Variants in STK35 observed in about 807,000 individuals in gnomAD.
STK35 encodes the protein serine/threonine-protein kinase 35.
In STK35, 17 loss-of-function variants were observed where a neutral mutation model predicts 37.3. That is an observed-to-expected ratio of 0.46 (90% CI 0.31 to 0.68). STK35 has a LOEUF of 0.68. Among genes scored for constraint, STK35 ranks in the 30% least tolerant of loss-of-function variants. The pLI, the probability that STK35 is intolerant of heterozygous loss-of-function variation, is 0.05. For synonymous variants in STK35, 385 were observed against 319.1 expected (o/e 1.21, Z -2.20); for missense variants, 595 against 746.7 (o/e 0.80, Z 2.37).
chr20:2,121,552 A>G (rs562825857), intron 3 of STK35, among the ~76,000 whole-genome samples: 3 of 152,174 alleles, frequency 2.0e-5, no homozygotes, highest in Middle Eastern at 3.2e-3. Flanking sequence ...TTAGAATCCA[A>G]CTACAGATGT....
At chr20:2,103,919 G>C (rs1241417614) in intron 2 of STK35, among the ~76,000 whole-genome samples, 4 of 152,242 alleles carry the variant, frequency 2.6e-5, no homozygotes, top group East Asian at 3.9e-4. Context: ...CCAGGCAGCC[G>C]AGCAAACTGA....
rs564634039 is a variant in STK35 at position 2,138,155 on chromosome 20, A to G, written c.*38-5629A>G. Among the ~76,000 whole-genome samples the G allele has an allele frequency of 7.2e-5, 11 of 152,322 alleles. No homozygotes were observed. In the East Asian group the frequency reaches 2.1e-3, roughly 29 times the overall value. ...AGGACTGCGGGTGAATTTAGGTAGG[A>G]GTGAATTCTTGGCTAGCCACCCAAT... On this transcript the variant is annotated intron_variant, in intron 3 of 3. Transcript: ENST00000381482.
chr20:2,125,764 A>C (rs1985894042), intron 3 of STK35, among the ~76,000 whole-genome samples: 1 of 152,236 alleles, frequency 6.6e-6, no homozygotes, highest in South Asian at 2.1e-4. Flanking sequence ...GGATAGTGTG[A>C]GGTGCCCATA....
At chr20:2,133,917 A>G (rs568636775) in intron 3 of STK35, among the ~76,000 whole-genome samples, 3 of 152,236 alleles carry the variant, frequency 2.0e-5, no homozygotes, top group African/African-American at 7.2e-5. Flanking sequence ...TCTCGGCTTT[A>G]AGCTTTGTTC....
At chr20:2,130,177 G>A (rs986992160) in intron 3 of STK35, among the ~76,000 whole-genome samples, 13 of 152,260 alleles carry the variant, frequency 8.5e-5, no homozygotes, top group Admixed American at 4.6e-4. Flanking sequence ...AGTCTTGGAC[G>A]TGCGGACATG....
chr20:2,136,684 T>C (rs189991761), intron 3 of STK35, among the ~76,000 whole-genome samples: 2 of 152,376 alleles, frequency 1.3e-5, no homozygotes, highest in African/African-American at 4.8e-5. Flanking sequence ...AGTTTCTAGC[T>C]ATCACCTGGT....
At position 2,125,148 on chromosome 20, in the gene STK35, G is replaced by C. The variant is rs148409019; in HGVS notation, c.*37+7733G>C. Among the ~76,000 whole-genome samples, 22 of 152,304 alleles carry C rather than the reference G, an allele frequency of 1.4e-4. No individual in the cohort carries two copies. In the East Asian group the frequency reaches 3.7e-3, roughly 25 times the overall value. On this transcript the variant is annotated intron_variant, in intron 3 of 3. Coordinates refer to ENST00000381482, the MANE Select transcript of STK35 (RefSeq NM_080836.4). The stretch of plus-strand genomic sequence containing the variant: ...AGATAGCATCCCTTTGGGCAAATCA[G>C]AGTGGCTCTTGTAATCGTCCAGCTG...
intron 3 of STK35, among the ~76,000 whole-genome samples, chr20:2,128,120 C>T (rs1427867679): frequency 6.6e-6 from 1 of 152,166 alleles, no homozygotes; most frequent in Non-Finnish European, 1.5e-5. Flanking sequence ...TTTCTGGCTG[C>T]ACCTCAAACC....
intron 2 of STK35, among the ~76,000 whole-genome samples, chr20:2,104,814 A>G (rs1022890524): frequency 1.2e-4 from 19 of 152,092 alleles, no homozygotes; most frequent in African/African-American, 4.6e-4. Context: ...TGCCCCATCC[A>G]TTCTGAGAAG....
rs567612614 is a variant in STK35 at position 2,141,593 on chromosome 20, A to G, written c.*38-2191A>G. On this transcript the variant is annotated intron_variant, in intron 3 of 3. Transcript: ENST00000381482. ...CCTATTTTTCCTATTAAAAACTAAAATATAACATTGGTGTGTGTTCATTAT... is the reference window on the plus strand; with the variant it reads ...CCTATTTTTCCTATTAAAAACTAAAGTATAACATTGGTGTGTGTTCATTAT... 7.9e-5 allele frequency among the ~76,000 whole-genome samples: 12 copies of G among 152,354 alleles called. No homozygotes were observed. The East Asian group carries it at 2.3e-3, about 29-fold the overall frequency.
intron 1 of STK35, 91 bp from the exon 2 acceptor site, chr20:2,102,677 G>T: frequency 8.3e-7 from 1 of 1,205,912 alleles, no homozygotes; most frequent in Non-Finnish European, 1.1e-6. Flanking sequence ...GGCCGCGGCG[G>T]CCGGGGGAGG....
chr20:2,117,898 A>G lies in STK35; in HGVS notation c.*37+483A>G, dbSNP rs1465332068. ...CCATATCTTGATGGGAGAAACGTGC[A>G]ATTATCTGAGTACACGTTGGAAAGT... On this transcript the variant is annotated intron_variant, in intron 3 of 3. Coordinates refer to ENST00000381482, the MANE Select transcript of STK35 (RefSeq NM_080836.4). This position sits in a 1 kb window ranked among gnomAD's most constrained non-coding sequence, Gnocchi z 4.4. 6.6e-6 allele frequency among the ~76,000 whole-genome samples: 1 copy of G among 152,218 alleles called. No individual in the cohort carries two copies. The highest frequency in any genetic ancestry group is 1.5e-5 in the Non-Finnish European group (1 of 68,042).
chr20:2,114,282 G>A (rs566859163), intron 2 of STK35, among the ~76,000 whole-genome samples: 1 of 152,070 alleles, frequency 6.6e-6, no homozygotes, highest in South Asian at 2.1e-4. Flanking sequence ...TGAGAAGCTG[G>A]GACTATTGAG....
At chr20:2,129,145 A>G (rs1985955915) in intron 3 of STK35, among the ~76,000 whole-genome samples, 1 of 152,092 alleles carries the variant, frequency 6.6e-6, no homozygotes, top group South Asian at 2.1e-4. Context: ...CTTAAACATG[A>G]CTTTGAATTG....
At chr20:2,128,946 T>A (rs1268936166) in intron 3 of STK35, among the ~76,000 whole-genome samples, 1 of 152,054 alleles carries the variant, frequency 6.6e-6, no homozygotes, top group Non-Finnish European at 1.5e-5. Context: ...TGCCTCAGCC[T>A]CCCGAGTAGC....
rs761062631 is a variant in STK35 at position 2,102,824 on chromosome 20, A to AG, written c.358dup (p.Ala120GlyfsTer73). ...CCAGGGCCGGACGGAGGGATGAGGC[A>AG]GGGGGGGCCCGGGCAGCGCCGTTGC... is the stretch of plus-strand genomic sequence containing the variant. On this transcript the variant is annotated frameshift_variant, in exon 2 of 4. Coordinates refer to ENST00000381482, the MANE Select transcript of STK35 (RefSeq NM_080836.4). LOFTEE classifies it high-confidence loss of function. 1.7e-5 allele frequency: 26 copies of AG among 1,526,068 alleles called. No individual in the cohort carries two copies. The highest frequency in any genetic ancestry group is 1.0e-4 in the East Asian group (4 of 38,974). 94.5% of individuals were successfully genotyped at this position (1,526,068 alleles called of 1,614,324 possible).
At chr20:2,124,990 A>C (rs1039578037) in intron 3 of STK35, among the ~76,000 whole-genome samples, 1 of 152,222 alleles carries the variant, frequency 6.6e-6, no homozygotes, top group Non-Finnish European at 1.5e-5. Context: ...CCCAGGGATC[A>C]TCTGTCCCTT....
intron 2 of STK35, among the ~76,000 whole-genome samples, chr20:2,115,856 G>C (rs1365990961): frequency 6.6e-6 from 1 of 151,930 alleles, no homozygotes; most frequent in East Asian, 1.9e-4. Context: ...GGTAAGTTCA[G>C]TCCTGCCCCC....
chr20:2,120,732 T>C (rs1220836682), intron 3 of STK35, among the ~76,000 whole-genome samples: 1 of 152,238 alleles, frequency 6.6e-6, no homozygotes, highest in Non-Finnish European at 1.5e-5. Context: ...ACACAGATAA[T>C]ACATCGGTGA....
Sources: allele counts gnomAD v4.1 joint callset (sites outside exome capture counted in the v4.1 genomes callset), GRCh38; gene constraint gnomAD v4.1.1; non-coding constraint Gnocchi (gnomAD v3.1); transcripts MANE v1.5; gene names NCBI Gene and HGNC (gene_info 2026-07-23, HGNC 2026-07-21).